Variants in TECRL observed in about 807,000 individuals in gnomAD.
The protein encoded by TECRL is trans-2,3-enoyl-CoA reductase like.
Under a neutral mutation model 52.8 loss-of-function variants are expected in TECRL, and 63 were observed. The ratio of observed to expected loss-of-function variants is 1.19; its 90% CI spans 0.97 to 1.47. TECRL has a LOEUF of 1.47. TECRL is among the 40% of genes most tolerant of loss of function. The pLI, the probability that TECRL is intolerant of heterozygous loss-of-function variation, is 0.00. For synonymous variants in TECRL, 164 were observed against 141.9 expected (o/e 1.16, Z -1.10); for missense variants, 482 against 429.6 (o/e 1.12, Z -1.08).
At chr4:64,302,739 G>C (rs1724094322) in intron 7 of TECRL, among the ~76,000 whole-genome samples, 1 of 151,248 alleles carries the variant, frequency 6.6e-6, no homozygotes, top group Admixed American at 6.6e-5. Flanking sequence ...GGCAAAGTAA[G>C]ATATATTAAA....
intron 3 of TECRL, among the ~76,000 whole-genome samples, chr4:64,327,857 C>T (rs1471113106): frequency 4.6e-5 from 7 of 151,758 alleles, no homozygotes; most frequent in Non-Finnish European, 8.8e-5. Context: ...ATTGAAATTC[C>T]TTAAGAGGTA....
At chr4:64,284,420 C>T (rs561757336) in intron 9 of TECRL, among the ~76,000 whole-genome samples, 1 of 151,962 alleles carries the variant, frequency 6.6e-6, no homozygotes, top group African/African-American at 2.4e-5. Flanking sequence ...TTCTCATGTT[C>T]CATGGGAGAA....
Position 64,345,159 on chromosome 4 carries a change from G to C in TECRL, c.287-16603C>G, listed in dbSNP as rs192128029. ...TGGAAGTCAGTGTGGCAATTCCTCA[G>C]GGATCTAGAAATACCATTTGACCCA... On this transcript the variant is annotated intron_variant, in intron 2 of 11. Coordinates refer to ENST00000381210, the MANE Select transcript of TECRL (RefSeq NM_001010874.5). Among the ~76,000 whole-genome samples, 484 of 152,178 alleles carry C rather than the reference G, an allele frequency of 3.2e-3. 1 individual carries two copies. The highest frequency in any genetic ancestry group is 0.017 in the Middle Eastern group (5 of 294).
intron 2 of TECRL, among the ~76,000 whole-genome samples, chr4:64,353,517 T>A (rs10006508): frequency 6.6e-6 from 1 of 151,916 alleles, no homozygotes. Flanking sequence ...GGATATAGAA[T>A]GTAAGAGAGA....
chr4:64,286,498 T>G (rs1723088877), intron 9 of TECRL, among the ~76,000 whole-genome samples: 1 of 151,336 alleles, frequency 6.6e-6, no homozygotes, highest in African/African-American at 2.4e-5. Flanking sequence ...ATAAAACTAA[T>G]TTTAAAATTG....
At chr4:64,281,117 C>G (rs750744905) in intron 10 of TECRL, 31 bp from the exon 11 acceptor site, 19 of 1,553,120 alleles carry the variant, frequency 1.2e-5, no homozygotes, top group Non-Finnish European at 1.7e-5. Context: ...TTAGCACATA[C>G]ATAAATGGAA....
chr4:64,396,391 G>T (rs1167383986), intron 1 of TECRL, among the ~76,000 whole-genome samples: 4 of 152,058 alleles, frequency 2.6e-5, no homozygotes, highest in African/African-American at 9.7e-5. Context: ...GTTTCTCATT[G>T]TGGATTTGAT....
intron 2 of TECRL, among the ~76,000 whole-genome samples, chr4:64,329,165 G>A (rs1718459341): frequency 6.6e-6 from 1 of 151,726 alleles, no homozygotes; most frequent in Non-Finnish European, 1.5e-5. Context: ...ATTATACACT[G>A]CCATAATGAA....
chr4:64,341,924 C>A (rs1719603953), intron 2 of TECRL, among the ~76,000 whole-genome samples: 1 of 129,670 alleles, frequency 7.7e-6, no homozygotes. Flanking sequence ...GTGGCCTGAT[C>A]CAACACTCAC....
Position 64,310,049 on chromosome 4 carries a change from T to C in TECRL, c.552-118A>G, listed in dbSNP as rs536076147. The C allele has an allele frequency of 1.3e-4, 76 of 573,638 alleles. 2 individuals are homozygous for C. In the South Asian group the frequency reaches 1.9e-3, roughly 14 times the overall value. 35.5% of individuals were successfully genotyped at this position (573,638 alleles called of 1,614,324 possible). On this transcript the variant is annotated intron_variant, in intron 5 of 11. Transcript: ENST00000381210. ...GCTAGCTATTGGGAAACATTGTTTCTGGTAGCTAAAACACAAATACTTGCT... is the reference window on the plus strand; with the variant it reads ...GCTAGCTATTGGGAAACATTGTTTCCGGTAGCTAAAACACAAATACTTGCT...
chr4:64,377,397 T>C (rs993646030), intron 1 of TECRL, among the ~76,000 whole-genome samples: 4 of 152,064 alleles, frequency 2.6e-5, no homozygotes, highest in East Asian at 3.9e-4. Context: ...GATGACTAAA[T>C]TGATGTCTCA....
intron 2 of TECRL, among the ~76,000 whole-genome samples, chr4:64,357,805 G>A (rs1481436209): frequency 2.0e-5 from 3 of 151,370 alleles, no homozygotes; most frequent in South Asian, 2.1e-4. Flanking sequence ...GATAAATTTC[G>A]ATGTTTGAAA....
At chr4:64,370,821 T>C (rs1423900925) in intron 2 of TECRL, among the ~76,000 whole-genome samples, 2 of 151,882 alleles carry the variant, frequency 1.3e-5, no homozygotes, top group African/African-American at 4.8e-5. Context: ...GAAAGAAAAC[T>C]ATTAATCATG....
At chr4:64,315,159 T>C (rs1343642164) in intron 4 of TECRL, among the ~76,000 whole-genome samples, 3 of 152,118 alleles carry the variant, frequency 2.0e-5, no homozygotes, top group Admixed American at 2.0e-4. Flanking sequence ...TTTTTCTTTT[T>C]CTTATTCTTT....
At chr4:64,328,965 A>C (rs1165770444) in intron 2 of TECRL, among the ~76,000 whole-genome samples, 2 of 151,952 alleles carry the variant, frequency 1.3e-5, no homozygotes, top group Non-Finnish European at 2.9e-5. Context: ...TGCACCTGAA[A>C]TTGGGTTATT....
chr4:64,401,689 A>G (rs1251319433), intron 1 of TECRL, among the ~76,000 whole-genome samples: 2 of 152,224 alleles, frequency 1.3e-5, no homozygotes, highest in Non-Finnish European at 2.9e-5. Flanking sequence ...TATTTGAATA[A>G]CAAAGCAGGC....
chr4:64,366,590 A>G (rs746309640), intron 2 of TECRL, among the ~76,000 whole-genome samples: 9 of 152,164 alleles, frequency 5.9e-5, no homozygotes, highest in Non-Finnish European at 1.0e-4. Flanking sequence ...GACTGCATTA[A>G]AAATGGGAAA....
At chr4:64,398,113 G>T (rs990052901) in intron 1 of TECRL, among the ~76,000 whole-genome samples, 3 of 151,976 alleles carry the variant, frequency 2.0e-5, no homozygotes, top group Non-Finnish European at 4.4e-5. Context: ...TTTAATGGAT[G>T]TGAGAATTTT....
intron 2 of TECRL, among the ~76,000 whole-genome samples, chr4:64,373,782 G>C (rs1200455202): frequency 2.0e-5 from 3 of 151,208 alleles, no homozygotes; most frequent in Non-Finnish European, 4.4e-5. Context: ...TTATTAGATA[G>C]AATTGGTCTA....
Sources: gnomAD v4.1 joint callset for allele counts (sites outside exome capture counted in the v4.1 genomes callset) on GRCh38, gnomAD v4.1.1 for gene constraint, MANE v1.5 for transcripts, NCBI Gene and HGNC (gene_info 2026-07-23, HGNC 2026-07-21) for gene names.